PRICKLE2: variants seen among roughly 807,000 people sequenced by gnomAD.
PRICKLE2 encodes the protein prickle-like protein 2.
In PRICKLE2, 21 loss-of-function variants were observed where a neutral mutation model predicts 81.4. That is an observed-to-expected ratio of 0.26 (90% confidence interval 0.18 to 0.37). PRICKLE2 has a LOEUF of 0.37. Ranked by LOEUF, PRICKLE2 falls within the 10% of genes least tolerant of loss-of-function variation. The pLI is 1.00. For synonymous variants in PRICKLE2, 456 were observed against 421.5 expected (o/e 1.08, Z -1.00); for missense variants, 940 against 1,109.0 (o/e 0.85, Z 2.16).
At chr3:64,122,304 T>C (rs2077039859) in intron 7 of PRICKLE2, among the ~76,000 whole-genome samples, 1 of 152,136 alleles carries the variant, frequency 6.6e-6, no homozygotes, top group African/African-American at 2.4e-5. Context: ...ATGTCCCCAC[T>C]AGCCCACCCT....
intron 2 of PRICKLE2, among the ~76,000 whole-genome samples, chr3:64,252,573 CCA>C (rs1559605113): frequency 6.6e-6 from 1 of 152,188 alleles, no homozygotes; most frequent in African/African-American, 2.4e-5. Flanking sequence ...AGCACTTTTG[CCA>C]CAGTTTTCAA....
intron 1 of PRICKLE2, among the ~76,000 whole-genome samples, chr3:64,212,118 A>G (rs1036496891): frequency 2.0e-5 from 3 of 152,196 alleles, no homozygotes; most frequent in Non-Finnish European, 4.4e-5. Context: ...TGGTGTCTCC[A>G]TGGCAACACT....
chr3:64,141,992 A>T (rs2077369009), intron 7 of PRICKLE2: 14 of 880,992 alleles, frequency 1.6e-5, no homozygotes, highest in African/African-American at 5.5e-5. Context: ...GAATGCTATT[A>T]AAAAAAAAAC....
intron 1 of PRICKLE2, among the ~76,000 whole-genome samples, chr3:64,206,660 G>T (rs945680216): frequency 2.0e-5 from 3 of 152,154 alleles, no homozygotes; most frequent in Admixed American, 2.0e-4. Context: ...TCATGCACAG[G>T]GACAAGGGGC....
chr3:64,216,505 ACT>A (rs2078873782), intron 1 of PRICKLE2, among the ~76,000 whole-genome samples: 3 of 152,044 alleles, frequency 2.0e-5, no homozygotes, highest in Non-Finnish European at 4.4e-5. Context: ...GCTATTTCTC[ACT>A]CTCTGTAACA....
intron 1 of PRICKLE2, among the ~76,000 whole-genome samples, chr3:64,215,708 A>G (rs547185556): frequency 6.6e-4 from 100 of 152,368 alleles, no homozygotes; most frequent in African/African-American, 2.2e-3. Flanking sequence ...ATCACATTAA[A>G]GAAAGACTGC....
intron 6 of PRICKLE2, among the ~76,000 whole-genome samples, chr3:64,148,298 C>G (rs558538549): frequency 8.5e-5 from 13 of 152,336 alleles, no homozygotes; most frequent in Middle Eastern, 3.4e-3. Context: ...TAGTGATTCT[C>G]CATTACTCTC....
chr3:64,201,214 C>A (rs1394674992), intron 1 of PRICKLE2, among the ~76,000 whole-genome samples: 1 of 152,166 alleles, frequency 6.6e-6, no homozygotes, highest in African/African-American at 2.4e-5. Flanking sequence ...CAGGCATGAG[C>A]CACCACGCCT....
intron 4 of PRICKLE2, among the ~76,000 whole-genome samples, chr3:64,158,824 A>G (rs1212225885): frequency 6.6e-6 from 1 of 152,080 alleles, no homozygotes; most frequent in African/African-American, 2.4e-5. Context: ...CATATAACTG[A>G]ACCTTCTCAC....
At chr3:64,209,347 T>C (rs1436326797) in intron 1 of PRICKLE2, among the ~76,000 whole-genome samples, 1 of 150,268 alleles carries the variant, frequency 6.7e-6, no homozygotes, top group Non-Finnish European at 1.5e-5. Context: ...TCCACCTATC[T>C]ATCCATTCAT....
At chr3:64,140,560 T>A (rs1025882256) in intron 7 of PRICKLE2, among the ~76,000 whole-genome samples, 11 of 152,160 alleles carry the variant, frequency 7.2e-5, no homozygotes, top group African/African-American at 2.7e-4. Flanking sequence ...AGTTGTCCTG[T>A]GGTGTGGCCT....
intron 7 of PRICKLE2, chr3:64,101,160 G>C (rs926064806): frequency 2.0e-5 from 3 of 152,120 alleles, no homozygotes; most frequent in African/African-American, 7.2e-5. Flanking sequence ...TTGGGTGTAC[G>C]ACCAAGAGTA....
At chr3:64,253,511 C>T (rs1274532403) in intron 2 of PRICKLE2, among the ~76,000 whole-genome samples, 2 of 152,142 alleles carry the variant, frequency 1.3e-5, no homozygotes, top group Non-Finnish European at 2.9e-5. Flanking sequence ...AAAAGATTGG[C>T]CTAAAAATAA....
At chr3:64,188,786 C>A (rs2078281653) in intron 2 of PRICKLE2, among the ~76,000 whole-genome samples, 1 of 152,160 alleles carries the variant, frequency 6.6e-6, no homozygotes, top group Non-Finnish European at 1.5e-5. Flanking sequence ...TTGTCCAATG[C>A]CTGCTTTCAC....
At chr3:64,106,843 G>A (rs891571155) in intron 7 of PRICKLE2, among the ~76,000 whole-genome samples, 3 of 152,182 alleles carry the variant, frequency 2.0e-5, no homozygotes, top group African/African-American at 7.2e-5. Flanking sequence ...GAGAACTCTG[G>A]CTGCAGCACA....
At chr3:64,204,272 C>A (rs1017271720) in intron 1 of PRICKLE2, among the ~76,000 whole-genome samples, 2 of 152,172 alleles carry the variant, frequency 1.3e-5, no homozygotes. Flanking sequence ...TATACCGAGC[C>A]ATATGCCTGG....
intron 7 of PRICKLE2, among the ~76,000 whole-genome samples, chr3:64,138,122 T>C (rs4688434): frequency 0.14 from 20,612 of 152,228 alleles, 1,620 homozygotes; most frequent in East Asian, 0.3. Flanking sequence ...CCTGGATGGA[T>C]GGGATACCTA....
At chr3:64,164,364 A>AT (rs1325892731) in intron 2 of PRICKLE2, among the ~76,000 whole-genome samples, 1 of 152,026 alleles carries the variant, frequency 6.6e-6, no homozygotes, top group Admixed American at 6.5e-5. Context: ...ATAAAAAAAA[A>AT]AAAATTTGTT....
chr3:64,246,906 G>T (rs2079366659), intron 2 of PRICKLE2, among the ~76,000 whole-genome samples: 1 of 152,146 alleles, frequency 6.6e-6, no homozygotes, highest in Non-Finnish European at 1.5e-5. Context: ...ATACACTGAG[G>T]AATCCCAGAG....
Sources: gnomAD v4.1 joint callset for allele counts (sites outside exome capture counted in the v4.1 genomes callset) on GRCh38, gnomAD v4.1.1 for gene constraint, MANE v1.5 for transcripts, NCBI Gene and HGNC (gene_info 2026-07-23, HGNC 2026-07-21) for gene names.